The following EFCAB6 variants were observed in gnomAD, a reference collection of about 807,000 sequenced individuals.
EFCAB6 encodes the protein EF-hand calcium binding domain 6, also known as EF-hand calcium-binding domain-containing protein 6.
A neutral mutation model predicts 169.8 loss-of-function variants in EFCAB6; 156 were observed. The observed-to-expected ratio is 0.92, with a 90% confidence interval of 0.81 to 1.05. The LOEUF is 1.05. Among genes scored for constraint, EFCAB6 ranks in the 50% least tolerant of loss-of-function variants. EFCAB6 has a pLI of 0.00. For synonymous variants in EFCAB6, 698 were observed against 676.4 expected, an observed-to-expected ratio of 1.03 and a Z score of -0.50; for missense variants, 1,800 against 1,829.1, an observed-to-expected ratio of 0.98 and a Z score of 0.29.
rs141439628 is a variant in EFCAB6, at chr22:43,740,595, A to G, written c.508-4602T>C. ...GGATGTCTGTTATGTGCAGAGCCCC[A>G]TGCTTAACTCCATACCAGCCTCCTG... On this transcript the variant is annotated intron_variant, in intron 6 of 31. Transcript: ENST00000262726. 3.3e-3 allele frequency among the ~76,000 whole-genome samples: 499 copies of G among 152,320 alleles called. 2 individuals carry two copies. The highest frequency in any genetic ancestry group is 4.6e-3 in the Non-Finnish European group (315 of 68,030).
intron 16 of EFCAB6, among the ~76,000 whole-genome samples, chr22:43,668,060 T>C (rs538530089): frequency 6.6e-6 from 1 of 152,326 alleles, no homozygotes; most frequent in East Asian, 1.9e-4. Flanking sequence ...GAAGCAAACA[T>C]ATCTTATCAT....
At chr22:43,807,998 G>A (rs1414645362) in intron 2 of EFCAB6, among the ~76,000 whole-genome samples, 1 of 152,096 alleles carries the variant, frequency 6.6e-6, no homozygotes, top group African/African-American at 2.4e-5. Flanking sequence ...ACCTCCTCCT[G>A]ACTCAGTTTC....
At chr22:43,702,314 C>T (rs774371675) in intron 10 of EFCAB6, among the ~76,000 whole-genome samples, 3 of 152,268 alleles carry the variant, frequency 2.0e-5, no homozygotes, top group Non-Finnish European at 4.4e-5. Flanking sequence ...CGGTCGCAGG[C>T]TCCACTACTC....
intron 4 of EFCAB6, among the ~76,000 whole-genome samples, chr22:43,770,580 T>C (rs1236693579): frequency 1.3e-5 from 2 of 152,190 alleles, no homozygotes; most frequent in Non-Finnish European, 2.9e-5. Context: ...ATTCTACAAC[T>C]GTAATATACA....
chr22:43,624,896 T>A (rs1207095453), intron 20 of EFCAB6, among the ~76,000 whole-genome samples: 1 of 152,188 alleles, frequency 6.6e-6, no homozygotes, highest in Non-Finnish European at 1.5e-5. Context: ...ATTTTCCATG[T>A]TCGTTCGGCA....
At chr22:43,559,160 A>C (rs1435099246) in intron 26 of EFCAB6, among the ~76,000 whole-genome samples, 1 of 152,248 alleles carries the variant, frequency 6.6e-6, no homozygotes, top group Non-Finnish European at 1.5e-5. Context: ...AACTTAAATA[A>C]ATTTACAAGA....
chr22:43,676,694 C>T (rs2057777834), intron 13 of EFCAB6, among the ~76,000 whole-genome samples: 1 of 152,134 alleles, frequency 6.6e-6, no homozygotes, highest in African/African-American at 2.4e-5. Flanking sequence ...TAGAAAATGT[C>T]TACATGTACC....
chr22:43,633,740 T>C (rs2055160331), intron 18 of EFCAB6, among the ~76,000 whole-genome samples: 1 of 152,116 alleles, frequency 6.6e-6, no homozygotes, highest in Non-Finnish European at 1.5e-5. Flanking sequence ...GGCAGATGGA[T>C]GGGGGACAGG....
intron 10 of EFCAB6, among the ~76,000 whole-genome samples, chr22:43,693,470 G>A (rs2058475599): frequency 6.7e-6 from 1 of 149,938 alleles, no homozygotes; most frequent in Admixed American, 6.7e-5. Context: ...GAAATCTTAA[G>A]TAACTGTCAT....
chr22:43,674,094 C>T lies in EFCAB6; in HGVS notation c.1420-1789G>A, dbSNP rs150968710. ...ATGTACAGTTTTTGAATATCAATTA[C>T]ACCTCAATAAAGCTGTTTTTAAAAA... On this transcript the variant is annotated intron_variant, in intron 13 of 31. Transcript: ENST00000262726. Among the ~76,000 whole-genome samples, 746 of 152,090 alleles carry T rather than the reference C, an allele frequency of 4.9e-3. 4 individuals are homozygous for T. Among genetic ancestry groups the T allele is most frequent in the African/African-American group, 0.017 (708 of 41,472 alleles).
intron 17 of EFCAB6, among the ~76,000 whole-genome samples, chr22:43,649,609 A>G (rs999179072): frequency 1.3e-5 from 2 of 152,240 alleles, no homozygotes; most frequent in South Asian, 2.1e-4. Context: ...AGAGGAAAAA[A>G]TATTAAAAAT....
intron 17 of EFCAB6, among the ~76,000 whole-genome samples, chr22:43,660,447 C>G (rs2056947774): frequency 6.6e-6 from 1 of 152,128 alleles, no homozygotes; most frequent in Non-Finnish European, 1.5e-5. Context: ...TCCTCCTCCT[C>G]CCATAGGAAC....
intron 8 of EFCAB6, among the ~76,000 whole-genome samples, chr22:43,718,063 C>CCCATCCAG (rs1556284891): frequency 1.5e-5 from 2 of 131,914 alleles, no homozygotes; most frequent in Non-Finnish European, 3.4e-5. Context: ...CATCCATCCA[C>CCCATCCAG]CCATCCATCC....
intron 2 of EFCAB6, among the ~76,000 whole-genome samples, chr22:43,803,689 C>G (rs1037467129): frequency 6.6e-6 from 1 of 151,972 alleles, no homozygotes; most frequent in Non-Finnish European, 1.5e-5. Context: ...ATTACTAGAT[C>G]TAAAAGGAGA....
intron 13 of EFCAB6, among the ~76,000 whole-genome samples, chr22:43,673,609 G>A (rs1489210867): frequency 1.3e-5 from 2 of 151,880 alleles, no homozygotes; most frequent in East Asian, 1.9e-4. Context: ...AACCAACCCC[G>A]TCTCTACTAA....
chr22:43,707,504 GA>G (rs1266529247), intron 10 of EFCAB6, among the ~76,000 whole-genome samples: 1 of 151,648 alleles, frequency 6.6e-6, no homozygotes, highest in Admixed American at 6.6e-5. Flanking sequence ...GTAACAAAAA[GA>G]AAAAAAATCT....
In EFCAB6 at chr22:43,672,310, T is replaced by C. The variant is rs749707329; in HGVS notation, c.1420-5A>G. On this transcript the variant is annotated splice_region_variant and splice_polypyrimidine_tract_variant and intron_variant, in intron 13 of 31. Coordinates refer to ENST00000262726, the MANE Select transcript of EFCAB6 (RefSeq NM_022785.4). ...ACAGGGAGATGTCTTTCTCATCTAA[T>C]TGGGAAAGAGAAAGTATATAAATAA... is the stretch of plus-strand genomic sequence containing the variant. The C allele has an allele frequency of 3.7e-6, 6 of 1,613,762 alleles. No individual in the cohort carries two copies. Among genetic ancestry groups the C allele is most frequent in the South Asian group, 2.2e-5 (2 of 91,036 alleles).
At chr22:43,811,604 G>A (rs2063132638) in intron 1 of EFCAB6, among the ~76,000 whole-genome samples, 1 of 152,098 alleles carries the variant, frequency 6.6e-6, no homozygotes, top group South Asian at 2.1e-4. Flanking sequence ...TGCAGGCTGT[G>A]GGAGAAGAGT....
At position 43,758,120 on chromosome 22, in the gene EFCAB6, A is replaced by ATT. The variant is rs11419537; in HGVS notation, c.441-2290_441-2289dup. On this transcript the variant is annotated intron_variant, in intron 5 of 31. Coordinates refer to ENST00000262726, the MANE Select transcript of EFCAB6 (RefSeq NM_022785.4). ...TTTTGTTTATTTTTTCTATTACATA[A>ATT]TTTTTCTATCCTTTTTCTTTTAGTC... 2.6e-5 allele frequency among the ~76,000 whole-genome samples: 4 copies of ATT among 151,912 alleles called. No homozygotes were observed. The South Asian group carries it at 8.3e-4, about 32-fold the overall frequency.
Sources: allele counts gnomAD v4.1 joint callset (sites outside exome capture counted in the v4.1 genomes callset), GRCh38; gene constraint gnomAD v4.1.1; transcripts MANE v1.5; gene names NCBI Gene and HGNC (gene_info 2026-07-23, HGNC 2026-07-21).